Variants in DLG2 observed in about 807,000 individuals in gnomAD.
The protein encoded by DLG2 is disks large homolog 2.
Under a neutral mutation model 132.5 loss-of-function variants are expected in DLG2, and 45 were observed. That is an observed-to-expected ratio of 0.34 (90% CI 0.27 to 0.44). The LOEUF is 0.44. DLG2 is among the 20% of genes least tolerant of loss of function. DLG2 has a pLI of 1.00. For missense variants in DLG2, 1,045 were observed against 1,196.9 expected (o/e 0.87, Z 1.87); for synonymous variants, 424 against 419.6 (o/e 1.01, Z -0.13).
At chr11:83,881,969 T>C (rs1484103831) in intron 15 of DLG2, among the ~76,000 whole-genome samples, 2 of 152,142 alleles carry the variant, frequency 1.3e-5, no homozygotes, top group African/African-American at 2.4e-5. Flanking sequence ...CTGAGAGAGA[T>C]AAGATCAAAA....
intron 3 of DLG2, among the ~76,000 whole-genome samples, chr11:85,527,183 T>A (rs533985347): frequency 0.015 from 2,281 of 152,090 alleles, 52 homozygotes; most frequent in African/African-American, 0.05. Flanking sequence ...TTTATTTTTT[T>A]TTTTTTTTAT....
chr11:85,191,330 T>A (rs971886910), intron 4 of DLG2, among the ~76,000 whole-genome samples: 10 of 151,814 alleles, frequency 6.6e-5, no homozygotes, highest in African/African-American at 2.4e-4. Flanking sequence ...TTAAACTCTC[T>A]ACCACTTTTT....
chr11:85,377,129 G>A (rs1447180519), intron 3 of DLG2, among the ~76,000 whole-genome samples: 1 of 152,132 alleles, frequency 6.6e-6, no homozygotes, highest in Non-Finnish European at 1.5e-5. Context: ...ATAGAATCCT[G>A]ATTCTTAACA....
intron 6 of DLG2, among the ~76,000 whole-genome samples, chr11:84,819,076 TAC>T (rs111644735): frequency 0.016 from 2,088 of 129,478 alleles, 51 homozygotes; most frequent in African/African-American, 0.053. Context: ...CACTCACAAA[TAC>T]ACACACACAC....
chr11:83,636,442 A>G (rs1383887464), intron 18 of DLG2, among the ~76,000 whole-genome samples: 3 of 151,306 alleles, frequency 2.0e-5, no homozygotes, highest in Non-Finnish European at 4.4e-5. Context: ...GTCCATTTTC[A>G]TTTTTATGTT....
At chr11:85,442,056 C>G (rs2091807011) in intron 3 of DLG2, among the ~76,000 whole-genome samples, 1 of 151,770 alleles carries the variant, frequency 6.6e-6, no homozygotes, top group South Asian at 2.1e-4. Context: ...CTGTTAGGGA[C>G]AAGCTGAGAC....
intron 7 of DLG2, among the ~76,000 whole-genome samples, chr11:84,412,590 G>T (rs2098912553): frequency 6.6e-6 from 1 of 152,188 alleles, no homozygotes; most frequent in African/African-American, 2.4e-5. Context: ...CAAAAAGATA[G>T]ATCCAACCAA....
At chr11:83,526,728 C>T (rs1446968212) in intron 21 of DLG2, among the ~76,000 whole-genome samples, 1 of 152,184 alleles carries the variant, frequency 6.6e-6, no homozygotes, top group Non-Finnish European at 1.5e-5. Flanking sequence ...CATTCTCCTT[C>T]ACAAATTGTT....
At chr11:84,961,529 T>C (rs2052572813) in intron 6 of DLG2, among the ~76,000 whole-genome samples, 1 of 27,444 alleles carries the variant, frequency 3.6e-5, no homozygotes, top group Admixed American at 3.4e-4. Context: ...TGTATCTTTG[T>C]GTGTGTGTGT....
At chr11:84,287,919 T>A (rs991891321) in intron 7 of DLG2, among the ~76,000 whole-genome samples, 1 of 151,906 alleles carries the variant, frequency 6.6e-6, no homozygotes, top group African/African-American at 2.4e-5. Flanking sequence ...CATGGAAAGG[T>A]CATGCATTAA....
intron 6 of DLG2, among the ~76,000 whole-genome samples, chr11:84,748,066 T>C (rs1466239076): frequency 6.6e-6 from 1 of 152,194 alleles, no homozygotes; most frequent in Admixed American, 6.5e-5. Flanking sequence ...CTGTGGTTTC[T>C]TGAGTAGAAT....
intron 7 of DLG2, among the ~76,000 whole-genome samples, chr11:84,313,879 T>C (rs2098328227): frequency 6.6e-6 from 1 of 152,184 alleles, no homozygotes; most frequent in Non-Finnish European, 1.5e-5. Flanking sequence ...TGGAACGCAC[T>C]TTTGGGCACT....
At chr11:84,649,325 A>T (rs1249213316) in intron 6 of DLG2, among the ~76,000 whole-genome samples, 1 of 152,216 alleles carries the variant, frequency 6.6e-6, no homozygotes, top group Admixed American at 6.5e-5. Flanking sequence ...AAAGGTGGTA[A>T]TAGACCATTA....
At position 83,603,473 on chromosome 11, in the gene DLG2, T is replaced by C. The variant is rs532152921; in HGVS notation, c.1940+29738A>G. Among the ~76,000 whole-genome samples the C allele has an allele frequency of 7.9e-5, 12 of 152,340 alleles. No individual in the cohort carries two copies. The South Asian group carries it at 2.5e-3, about 32-fold the overall frequency. ...AACAGTATCAGTATATATATTGTTA[T>C]ACATGTCTTCTATCCCTGTATACAA... is the stretch of plus-strand genomic sequence containing the variant. On this transcript the variant is annotated intron_variant, in intron 19 of 27. Coordinates refer to ENST00000376104, the MANE Select transcript of DLG2 (RefSeq NM_001142699.3).
chr11:83,912,770 C>G (rs2076290470), intron 15 of DLG2, among the ~76,000 whole-genome samples: 1 of 151,972 alleles, frequency 6.6e-6, no homozygotes, highest in Admixed American at 6.6e-5. Flanking sequence ...TCTTTTTGCC[C>G]CAGGCCAGCA....
chr11:85,595,122 C>T (rs1009884695), intron 3 of DLG2, among the ~76,000 whole-genome samples: 5 of 143,360 alleles, frequency 3.5e-5, no homozygotes, highest in African/African-American at 1.0e-4. Flanking sequence ...AACTGAAGAA[C>T]TGAAGAATAA....
chr11:84,322,715 G>A (rs768148252), intron 7 of DLG2, among the ~76,000 whole-genome samples: 59 of 151,590 alleles, frequency 3.9e-4, no homozygotes, highest in Non-Finnish European at 8.1e-4. Flanking sequence ...TCAGCATCCC[G>A]AGTAGCTGGA....
intron 3 of DLG2, among the ~76,000 whole-genome samples, chr11:85,359,291 A>C (rs2083968268): frequency 6.6e-6 from 1 of 152,222 alleles, no homozygotes; most frequent in Non-Finnish European, 1.5e-5. Context: ...TCTTCACTCT[A>C]TAAAATTCCA....
chr11:83,811,574 C>A (rs549511079), intron 17 of DLG2, among the ~76,000 whole-genome samples: 1 of 151,940 alleles, frequency 6.6e-6, no homozygotes, highest in African/African-American at 2.4e-5. Flanking sequence ...GTAAAATTCA[C>A]GACATTTGCT....
Sources: allele counts gnomAD v4.1 joint callset (sites outside exome capture counted in the v4.1 genomes callset), GRCh38; gene constraint gnomAD v4.1.1; transcripts MANE v1.5; gene names NCBI Gene and HGNC (gene_info 2026-07-23, HGNC 2026-07-21).